The following SMYD3 variants were observed in gnomAD, a reference collection of about 807,000 sequenced individuals.
SMYD3 encodes SET and MYND domain containing 3, also known as histone-lysine N-methyltransferase SMYD3.
SMYD3 carries 36 observed loss-of-function variants against 57.7 expected under a neutral mutation model. The observed-to-expected ratio is 0.62, with a 90% CI of 0.48 to 0.82. The LOEUF (loss-of-function observed/expected upper bound fraction) is 0.82, where lower values mean the gene tolerates loss of function less well. Among genes scored for constraint, SMYD3 ranks in the 40% least tolerant of loss-of-function variants. SMYD3 has a pLI of 0.00. For synonymous variants in SMYD3, 211 were observed against 195.0 expected, an observed-to-expected ratio of 1.08 and a Z score of -0.68; for missense variants, 515 against 538.8, an observed-to-expected ratio of 0.96 and a Z score of 0.44.
At chr1:245,853,530 G>A (rs1376364687) in intron 10 of SMYD3, among the ~76,000 whole-genome samples, 2 of 152,196 alleles carry the variant, frequency 1.3e-5, no homozygotes, top group Admixed American at 6.5e-5. Flanking sequence ...CCAAACGTGC[G>A]CTCAGGTCTT....
intron 10 of SMYD3, among the ~76,000 whole-genome samples, chr1:245,855,918 C>T (rs544376996): frequency 6.6e-6 from 1 of 152,340 alleles, no homozygotes; most frequent in Admixed American, 6.5e-5. Flanking sequence ...ACTGTTACAG[C>T]AGATGGCAAT....
intron 5 of SMYD3, chr1:246,188,930 A>T (rs2062689630): frequency 6.6e-6 from 1 of 151,790 alleles, no homozygotes; most frequent in African/African-American, 2.4e-5. Flanking sequence ...ACTGCACTCC[A>T]GCCTGCGTGA....
intron 3 of SMYD3, 102 bp downstream of exon 3, chr1:246,335,265 T>C: frequency 9.6e-7 from 1 of 1,036,480 alleles, no homozygotes. Context: ...ATTGTGGTAG[T>C]CTGAAACTGA....
At chr1:245,765,968 CCT>C (rs2046074200) in intron 10 of SMYD3, among the ~76,000 whole-genome samples, 1 of 152,064 alleles carries the variant, frequency 6.6e-6, no homozygotes, top group Non-Finnish European at 1.5e-5. Context: ...CAAACCATTC[CCT>C]CTCGCTGAAT....
intron 1 of SMYD3, among the ~76,000 whole-genome samples, chr1:246,413,803 A>G (rs752881285): frequency 6.6e-6 from 1 of 152,206 alleles, no homozygotes; most frequent in East Asian, 1.9e-4. Context: ...GTGTGAGCCA[A>G]GGAAACCTCT....
chr1:246,049,357 T>C (rs10399936), intron 5 of SMYD3, among the ~76,000 whole-genome samples: 55,421 of 151,758 alleles, frequency 0.37, 13,274 homozygotes, highest in African/African-American at 0.66. Flanking sequence ...AGTGCAGGGG[T>C]GCAACCTCAG....
chr1:246,411,214 A>C (rs1379714611), intron 1 of SMYD3, among the ~76,000 whole-genome samples: 1 of 152,242 alleles, frequency 6.6e-6, no homozygotes, highest in South Asian at 2.1e-4. Context: ...CCCAAAAAAC[A>C]CATGAAAAAA....
At chr1:246,057,286 A>G (rs1558188863) in intron 5 of SMYD3, among the ~76,000 whole-genome samples, 1 of 152,218 alleles carries the variant, frequency 6.6e-6, no homozygotes, top group Admixed American at 6.5e-5. Flanking sequence ...GCTATGGTCT[A>G]TCTGTAATAG....
At chr1:246,400,828 T>TA (rs146267062) in intron 1 of SMYD3, among the ~76,000 whole-genome samples, 89 of 147,848 alleles carry the variant, frequency 6.0e-4, no homozygotes, top group Non-Finnish European at 9.0e-4. Flanking sequence ...CCTAGGCAAA[T>TA]AAAAAAAAAA....
intron 5 of SMYD3, among the ~76,000 whole-genome samples, chr1:246,103,707 T>C (rs752432051): frequency 3.3e-4 from 51 of 152,324 alleles, no homozygotes; most frequent in Non-Finnish European, 5.6e-4. Flanking sequence ...CCTTAAAATC[T>C]TCTCATGTGA....
chr1:245,973,560 G>C (rs1250161651), intron 5 of SMYD3, among the ~76,000 whole-genome samples: 2 of 152,174 alleles, frequency 1.3e-5, no homozygotes, highest in African/African-American at 2.4e-5. Context: ...AAAAGGAGAG[G>C]AACAAAACCT....
chr1:246,030,002 CTTTCT>C (rs1263907482), intron 5 of SMYD3, among the ~76,000 whole-genome samples: 1 of 132,286 alleles, frequency 7.6e-6, no homozygotes, highest in African/African-American at 3.4e-5. Context: ...TCCTTTCTTT[CTTTCT>C]TTTTTTTTTT....
At chr1:246,358,109 A>G (rs554895568) in intron 1 of SMYD3, among the ~76,000 whole-genome samples, 6 of 152,344 alleles carry the variant, frequency 3.9e-5, no homozygotes, top group Admixed American at 3.9e-4. Flanking sequence ...CTTAAGGTAA[A>G]GGGGTGGAAA....
chr1:246,143,594 C>T (rs901669052), intron 5 of SMYD3, among the ~76,000 whole-genome samples: 2 of 152,070 alleles, frequency 1.3e-5, no homozygotes, highest in South Asian at 2.1e-4. Flanking sequence ...CTTGAGCCCA[C>T]GAGGTCAAGG....
intron 5 of SMYD3, among the ~76,000 whole-genome samples, chr1:246,317,727 A>T (rs2065186793): frequency 6.6e-6 from 1 of 152,198 alleles, no homozygotes; most frequent in African/African-American, 2.4e-5. Context: ...ATCATGTTGT[A>T]CATGATATAT....
chr1:246,282,433 G>A (rs1415116604), intron 5 of SMYD3, among the ~76,000 whole-genome samples: 2 of 151,308 alleles, frequency 1.3e-5, no homozygotes, highest in Non-Finnish European at 2.9e-5. Context: ...CAGGAGGTCG[G>A]GGCTGCAGTG....
chr1:246,236,502 C>A (rs1003685998), intron 5 of SMYD3, among the ~76,000 whole-genome samples: 1 of 152,118 alleles, frequency 6.6e-6, no homozygotes, highest in African/African-American at 2.4e-5. Context: ...GCAAGCTCTG[C>A]CTCCTGGGTT....
At chr1:245,874,419 C>G (rs747302346) in intron 8 of SMYD3, among the ~76,000 whole-genome samples, 25 of 152,300 alleles carry the variant, frequency 1.6e-4, no homozygotes, top group African/African-American at 6.0e-4. Flanking sequence ...CTTCACATAA[C>G]AAGTCCCTGA....
At position 246,401,299 on chromosome 1, in the gene SMYD3, C is replaced by T. The variant is rs935841025; in HGVS notation, c.165-46205G>A. ...ATCTCTTGAGCCCATGAGTTCAAGA[C>T]CAGCCTGGGCAACACAGCAAGACCC... On this transcript the variant is annotated intron_variant, in intron 1 of 11. Transcript: ENST00000490107. Among the ~76,000 whole-genome samples, 26 of 152,120 alleles carry T rather than the reference C, an allele frequency of 1.7e-4. 1 individual carries two copies. Among genetic ancestry groups the T allele is most frequent in the African/African-American group, 5.8e-4 (24 of 41,424 alleles).
Sources: allele counts gnomAD v4.1 joint callset (sites outside exome capture counted in the v4.1 genomes callset), GRCh38; gene constraint gnomAD v4.1.1; transcripts MANE v1.5; gene names NCBI Gene and HGNC (gene_info 2026-07-23, HGNC 2026-07-21).